KCNH7: variants seen among roughly 807,000 people sequenced by gnomAD.
The protein encoded by KCNH7 is voltage-gated inwardly rectifying potassium channel KCNH7.
A neutral mutation model predicts 120.8 loss-of-function variants in KCNH7; 49 were observed. The ratio of observed to expected loss-of-function variants is 0.41; its 90% confidence interval spans 0.32 to 0.51. The LOEUF (loss-of-function observed/expected upper bound fraction) is 0.51. Among genes scored for constraint, KCNH7 ranks in the 20% least tolerant of loss-of-function variants. KCNH7 has a pLI of 0.38. For missense variants in KCNH7, 1,097 were observed against 1,446.6 expected (o/e 0.76, Z 3.92); for synonymous variants, 547 against 516.1 (o/e 1.06, Z -0.81).
chr2:162,450,091 C>T lies in KCNH7; in HGVS notation c.1129-3648G>A, dbSNP rs1044479925. On this transcript the variant is annotated intron_variant, in intron 6 of 15. Transcript: ENST00000332142. ...ATTACCAACTTCAAAGATTTACTTGCGTTATCATGATAAACTAACCTAATT... is the reference window on the plus strand; with the variant it reads ...ATTACCAACTTCAAAGATTTACTTGTGTTATCATGATAAACTAACCTAATT... 3.3e-5 allele frequency among the ~76,000 whole-genome samples: 5 copies of T among 151,948 alleles called. No homozygotes were observed. In the South Asian group the frequency reaches 8.3e-4, roughly 25 times the overall value.
At chr2:162,645,112 C>G (rs1290214237) in intron 2 of KCNH7, among the ~76,000 whole-genome samples, 2 of 152,064 alleles carry the variant, frequency 1.3e-5, no homozygotes, top group Non-Finnish European at 2.9e-5. Flanking sequence ...CCCCATGGCA[C>G]TACTTTGTTT....
At chr2:162,424,091 C>T (rs540751355) in intron 8 of KCNH7, among the ~76,000 whole-genome samples, 1 of 152,082 alleles carries the variant, frequency 6.6e-6, no homozygotes, top group Non-Finnish European at 1.5e-5. Context: ...TTTTAAGAAA[C>T]CAGTTTCCTT....
rs1432813278 is a variant in KCNH7 at position 162,456,747 on chromosome 2, C to T, written c.1129-10304G>A. Among the ~76,000 whole-genome samples the T allele has an allele frequency of 5.3e-5, 8 of 152,182 alleles. No homozygotes were observed. In the East Asian group the frequency reaches 1.5e-3, roughly 29 times the overall value. ...TCTTCTTGTTACATCAGTCTCTTTA[C>T]CATTATGTAATGCCCTTCTTTGTCT... is the stretch of plus-strand genomic sequence containing the variant. On this transcript the variant is annotated intron_variant, in intron 6 of 15. Coordinates refer to ENST00000332142, the MANE Select transcript of KCNH7 (RefSeq NM_033272.4).
At chr2:162,760,096 T>C (rs1260067326) in intron 2 of KCNH7, among the ~76,000 whole-genome samples, 1 of 152,164 alleles carries the variant, frequency 6.6e-6, no homozygotes, top group African/African-American at 2.4e-5. Flanking sequence ...TATGAATTTG[T>C]GTAGCTTATG....
chr2:162,669,003 A>T (rs781033287), intron 2 of KCNH7, among the ~76,000 whole-genome samples: 6 of 152,180 alleles, frequency 3.9e-5, no homozygotes, highest in Non-Finnish European at 8.8e-5. Flanking sequence ...GGGTAGATAT[A>T]AGAAATGTAA....
intron 6 of KCNH7, among the ~76,000 whole-genome samples, chr2:162,483,913 C>A (rs1690009536): frequency 6.6e-6 from 1 of 152,076 alleles, no homozygotes; most frequent in African/African-American, 2.4e-5. Context: ...TTTTGTCAGT[C>A]ATCCACCTTA....
At chr2:162,630,820 G>T (rs1683740682) in intron 2 of KCNH7, among the ~76,000 whole-genome samples, 1 of 152,086 alleles carries the variant, frequency 6.6e-6, no homozygotes, top group Non-Finnish European at 1.5e-5. Flanking sequence ...TAAGGATGGA[G>T]GTGGGCTAAA....
intron 2 of KCNH7, among the ~76,000 whole-genome samples, chr2:162,786,666 T>C (rs1458887589): frequency 6.6e-6 from 1 of 152,216 alleles, no homozygotes; most frequent in Non-Finnish European, 1.5e-5. Flanking sequence ...TGTAAGCTGC[T>C]GTCTAACACA....
At chr2:162,513,901 T>C (rs1364867058) in intron 4 of KCNH7, among the ~76,000 whole-genome samples, 1 of 151,794 alleles carries the variant, frequency 6.6e-6, no homozygotes, top group Non-Finnish European at 1.5e-5. Flanking sequence ...AAATGGGCTC[T>C]TTTAAAATCT....
chr2:162,793,465 AG>A (rs1338556434), intron 2 of KCNH7, among the ~76,000 whole-genome samples: 5 of 152,072 alleles, frequency 3.3e-5, no homozygotes, highest in South Asian at 2.1e-4. Context: ...TTAAAAAAAA[AG>A]ATTAAGAAAT....
intron 9 of KCNH7, among the ~76,000 whole-genome samples, chr2:162,422,735 G>C (rs1687746796): frequency 6.6e-6 from 1 of 152,040 alleles, no homozygotes; most frequent in African/African-American, 2.4e-5. Flanking sequence ...AAAATATGAA[G>C]GGATCCATAT....
rs1045659430 is a variant in KCNH7 at position 162,617,747 on chromosome 2, A to G, written c.308-80667T>C. Among the ~76,000 whole-genome samples, 10 of 152,324 alleles carry G rather than the reference A, an allele frequency of 6.6e-5. No homozygotes were observed. The East Asian group carries it at 1.7e-3, about 27-fold the overall frequency. Reference sequence around the variant, plus strand: ...AACTGGTTACTAATGTACAAAAAAAATCAAAATATTTTGTAATTTCGTGAA... The same window carrying G: ...AACTGGTTACTAATGTACAAAAAAAGTCAAAATATTTTGTAATTTCGTGAA... On this transcript the variant is annotated intron_variant, in intron 2 of 15. Coordinates refer to ENST00000332142, the MANE Select transcript of KCNH7 (RefSeq NM_033272.4).
At chr2:162,756,164 A>G (rs573042008) in intron 2 of KCNH7, among the ~76,000 whole-genome samples, 26 of 152,324 alleles carry the variant, frequency 1.7e-4, no homozygotes, top group Non-Finnish European at 3.2e-4. Context: ...AGAGACTGAT[A>G]TAATTGTATA....
intron 9 of KCNH7, among the ~76,000 whole-genome samples, chr2:162,403,800 G>A (rs1048096781): frequency 1.3e-5 from 2 of 151,928 alleles, no homozygotes; most frequent in Non-Finnish European, 2.9e-5. Context: ...TAGTTCTATA[G>A]TTTTAATGTC....
chr2:162,723,182 G>A (rs977326698), intron 2 of KCNH7, among the ~76,000 whole-genome samples: 1 of 151,792 alleles, frequency 6.6e-6, no homozygotes, highest in Non-Finnish European at 1.5e-5. Flanking sequence ...TAATTTACCT[G>A]TTTCTTCATT....
At chr2:162,461,788 T>C (rs566272922) in intron 6 of KCNH7, among the ~76,000 whole-genome samples, 44 of 152,300 alleles carry the variant, frequency 2.9e-4, no homozygotes, top group African/African-American at 9.4e-4. Context: ...AAGCAAGTGA[T>C]AGCATATGTC....
chr2:162,648,093 A>T (rs866208971), intron 2 of KCNH7, among the ~76,000 whole-genome samples: 2 of 152,188 alleles, frequency 1.3e-5, no homozygotes, highest in Non-Finnish European at 2.9e-5. Flanking sequence ...AAACTTTAAC[A>T]CTGTAGTAGT....
intron 2 of KCNH7, among the ~76,000 whole-genome samples, chr2:162,545,046 C>T (rs1473833432): frequency 1.3e-5 from 2 of 152,116 alleles, no homozygotes; most frequent in African/African-American, 4.8e-5. Flanking sequence ...AACCTTATCT[C>T]AGAGAATTTT....
chr2:162,584,798 T>C (rs1693974550), intron 2 of KCNH7, among the ~76,000 whole-genome samples: 1 of 151,854 alleles, frequency 6.6e-6, no homozygotes, highest in African/African-American at 2.4e-5. Flanking sequence ...AAAGAAGTCA[T>C]GGGATGAGCA....
Sources: allele counts gnomAD v4.1 joint callset (sites outside exome capture counted in the v4.1 genomes callset), GRCh38; gene constraint gnomAD v4.1.1; transcripts MANE v1.5; gene names NCBI Gene and HGNC (gene_info 2026-07-23, HGNC 2026-07-21).